FSTL4: variants seen among roughly 807,000 people sequenced by gnomAD.
FSTL4 encodes the protein follistatin like 4, also known as follistatin-related protein 4.
FSTL4 carries 28 observed loss-of-function variants against 78.2 expected under a neutral mutation model. The ratio of observed to expected loss-of-function variants is 0.36; its 90% confidence interval spans 0.27 to 0.49. FSTL4 has a LOEUF of 0.49. FSTL4 is among the 20% of genes least tolerant of loss of function. The pLI is 0.98. For missense variants in FSTL4, 922 were observed against 1,084.9 expected, an observed-to-expected ratio of 0.85 and a Z score of 2.11; for synonymous variants, 422 against 440.5, an observed-to-expected ratio of 0.96 and a Z score of 0.53.
chr5:133,639,937 G>C, the FSTL4 span, among the ~76,000 whole-genome samples: 1 of 152,288 alleles, frequency 6.6e-6, no homozygotes, highest in East Asian at 1.9e-4. Flanking sequence ...AACAAAAAAA[G>C]AGTCAGAACT....
chr5:133,759,162 A>G, the FSTL4 span, among the ~76,000 whole-genome samples: 1 of 152,256 alleles, frequency 6.6e-6, no homozygotes, highest in Admixed American at 6.5e-5. Flanking sequence ...CAGAAAAATG[A>G]GCAAAAGACA....
At chr5:133,375,312 A>ATATATATATATAT (rs1554109201) in intron 4 of FSTL4, among the ~76,000 whole-genome samples, 20 of 134,672 alleles carry the variant, frequency 1.5e-4, no homozygotes, top group Non-Finnish European at 2.1e-4. Flanking sequence ...ATATATATAT[A>ATATATATATATAT]AAAGACTCTA....
intron 4 of FSTL4, among the ~76,000 whole-genome samples, chr5:133,358,771 T>C (rs1755001421): frequency 6.6e-6 from 1 of 152,008 alleles, no homozygotes; most frequent in Admixed American, 6.6e-5. Flanking sequence ...AGCTAATTTC[T>C]GTATTTTTAT....
chr5:133,558,883 C>G (rs1158232682), intron 3 of FSTL4, among the ~76,000 whole-genome samples: 1 of 152,092 alleles, frequency 6.6e-6, no homozygotes, highest in South Asian at 2.1e-4. Context: ...GTGAGTGAGG[C>G]CAATCAGGAG....
chr5:133,790,852 C>G, the FSTL4 span, among the ~76,000 whole-genome samples: 52 of 152,356 alleles, frequency 3.4e-4, no homozygotes, highest in South Asian at 2.9e-3. Flanking sequence ...GCCCTCGCCT[C>G]TCACCTGGAG....
chr5:133,814,549 C>T, the FSTL4 span, among the ~76,000 whole-genome samples: 1 of 152,188 alleles, frequency 6.6e-6, no homozygotes, highest in Non-Finnish European at 1.5e-5. Flanking sequence ...CCTCCTACTC[C>T]TTTCTTTTGG....
the FSTL4 span, among the ~76,000 whole-genome samples, chr5:133,692,868 C>T: frequency 1.3e-5 from 2 of 152,264 alleles, no homozygotes; most frequent in African/African-American, 4.8e-5. Context: ...GCTCTGACCT[C>T]TCCCATTAGG....
intron 3 of FSTL4, among the ~76,000 whole-genome samples, chr5:133,507,550 G>C (rs1252714087): frequency 7.0e-6 from 1 of 143,564 alleles, no homozygotes; most frequent in Non-Finnish European, 1.5e-5. Context: ...TTGATACTGA[G>C]TCTCGCTCTG....
chr5:133,499,284 C>G (rs1358492181), intron 3 of FSTL4, among the ~76,000 whole-genome samples: 1 of 151,338 alleles, frequency 6.6e-6, no homozygotes, highest in East Asian at 2.0e-4. Context: ...TTGAACAGAG[C>G]CCTCTCATGG....
intron 3 of FSTL4, among the ~76,000 whole-genome samples, chr5:133,498,998 T>TACACACACAC (rs142906885): frequency 6.6e-4 from 97 of 147,082 alleles, no homozygotes; most frequent in African/African-American, 2.3e-3. Context: ...AGCAACAAAT[T>TACACACACAC]ACACACACAC....
the FSTL4 span, among the ~76,000 whole-genome samples, chr5:133,756,080 T>C: frequency 6.6e-6 from 1 of 152,026 alleles, no homozygotes; most frequent in Non-Finnish European, 1.5e-5. Flanking sequence ...GTGCAGAGCA[T>C]GTTAAGTAGG....
intron 6 of FSTL4, among the ~76,000 whole-genome samples, chr5:133,279,402 C>T (rs1452035313): frequency 1.3e-5 from 2 of 152,214 alleles, no homozygotes; most frequent in Non-Finnish European, 2.9e-5. Context: ...CTGTTCTGCT[C>T]CCCCACTCCC....
the FSTL4 span, among the ~76,000 whole-genome samples, chr5:133,839,978 C>A: frequency 1.3e-5 from 2 of 152,206 alleles, no homozygotes; most frequent in African/African-American, 4.8e-5. Context: ...TCGATCAATG[C>A]CCCTTCAATG....
chr5:133,655,689 A>C, the FSTL4 span, among the ~76,000 whole-genome samples: 1 of 152,168 alleles, frequency 6.6e-6, no homozygotes, highest in African/African-American at 2.4e-5. Flanking sequence ...ATAATATCAG[A>C]TAGTAATATT....
the FSTL4 span, among the ~76,000 whole-genome samples, chr5:133,647,845 G>T: frequency 6.6e-6 from 1 of 152,152 alleles, no homozygotes; most frequent in Non-Finnish European, 1.5e-5. Flanking sequence ...ATATGGTTTG[G>T]CTGTGTCCCC....
rs534224130 is a variant in FSTL4, at chr5:133,575,811, A to G, written c.127-8592T>C. Among the ~76,000 whole-genome samples the G allele has an allele frequency of 3.3e-5, 5 of 152,366 alleles. No homozygotes were observed. The East Asian group carries it at 9.6e-4, about 29-fold the overall frequency. ...AGTGCATGGGCATTACTTAATGACT[A>G]AATTTCTTTAACTAAAAATCTAATT... On this transcript the variant is annotated intron_variant, in intron 2 of 15. Transcript: ENST00000265342.
At chr5:133,233,341 G>A in intron 8 of FSTL4, 76 bp downstream of exon 8, 1 of 1,489,548 alleles carries the variant, frequency 6.7e-7, no homozygotes, top group East Asian at 2.3e-5. Flanking sequence ...CAGAATACAG[G>A]AGGGGGCGAG....
chr5:133,674,578 CT>C, the FSTL4 span, among the ~76,000 whole-genome samples: 1 of 146,058 alleles, frequency 6.8e-6, no homozygotes, highest in Non-Finnish European at 1.5e-5. Flanking sequence ...ACCAAGGAGA[CT>C]TCCATATGTG....
intron 3 of FSTL4, among the ~76,000 whole-genome samples, chr5:133,463,015 G>A (rs909243490): frequency 6.6e-6 from 1 of 152,180 alleles, no homozygotes; most frequent in Admixed American, 6.5e-5. Flanking sequence ...GCCTGGCTGA[G>A]GAATGCCGTG....
Sources: gnomAD v4.1 joint callset for allele counts (sites outside exome capture counted in the v4.1 genomes callset) on GRCh38, gnomAD v4.1.1 for gene constraint, MANE v1.5 for transcripts, NCBI Gene and HGNC (gene_info 2026-07-23, HGNC 2026-07-21) for gene names.